The following PDE4D variants were observed in gnomAD, a reference collection of about 807,000 sequenced individuals.
The protein encoded by PDE4D is phosphodiesterase 4D, also known as 3',5'-cyclic-AMP phosphodiesterase 4D.
In PDE4D, 24 loss-of-function variants were observed where a neutral mutation model predicts 87.4. That is an observed-to-expected ratio of 0.27 (90% CI 0.20 to 0.39). The LOEUF (loss-of-function observed/expected upper bound fraction) is 0.39, where lower values mean the gene tolerates loss of function less well. PDE4D is among the 10% of genes least tolerant of loss of function. The probability of loss-of-function intolerance (pLI) is 1.00; values close to 1 mark genes in which losing one functional copy is unlikely to be tolerated. For synonymous variants in PDE4D, 384 were observed against 383.2 expected, an observed-to-expected ratio of 1.00 and a Z score of -0.02; for missense variants, 714 against 1,041.0, an observed-to-expected ratio of 0.69 and a Z score of 4.32.
intron 1 of PDE4D, among the ~76,000 whole-genome samples, chr5:59,428,991 T>A (rs955162837): frequency 1.3e-5 from 2 of 152,196 alleles, no homozygotes; most frequent in African/African-American, 4.8e-5. Flanking sequence ...TACACTGTGA[T>A]GCCCAATTTT....
intron 5 of PDE4D, among the ~76,000 whole-genome samples, chr5:59,176,511 C>T (rs62357972): frequency 0.053 from 7,932 of 151,056 alleles, 261 homozygotes; most frequent in South Asian, 0.069. Context: ...CCTCAGATCG[C>T]GCCACTGCAC....
chr5:60,464,821 G>T (rs929852434), intron 1 of PDE4D, among the ~76,000 whole-genome samples: 2 of 152,180 alleles, frequency 1.3e-5, no homozygotes, highest in East Asian at 3.8e-4. Flanking sequence ...GCAAGGCCAG[G>T]CCAGGCATGG....
At chr5:60,194,252 C>T (rs1384964784) in intron 1 of PDE4D, among the ~76,000 whole-genome samples, 1 of 151,590 alleles carries the variant, frequency 6.6e-6, no homozygotes, top group Non-Finnish European at 1.5e-5. Flanking sequence ...CTCTAAAGAT[C>T]CTAGACCTCC....
intron 2 of PDE4D, among the ~76,000 whole-genome samples, chr5:60,023,686 G>A (rs1394267454): frequency 6.6e-6 from 1 of 152,074 alleles, no homozygotes; most frequent in African/African-American, 2.4e-5. Flanking sequence ...CACACTAGTT[G>A]CATTATAAGG....
rs1341089596 is a variant in PDE4D at position 59,980,532 on chromosome 5, GTTT to G, written c.272+7953_272+7955del. Among the ~76,000 whole-genome samples the G allele has an allele frequency of 2.0e-5, 3 of 152,176 alleles. No homozygotes were observed. The East Asian group carries it at 5.8e-4, about 29-fold the overall frequency. On this transcript the variant is annotated intron_variant, in intron 3 of 16. Transcript: ENST00000502484. Reference sequence around the variant, plus strand: ...CGCAGAAGTTGTCACCCTCTTTAGTGTTTTTAACAACGTGGGAGCCTGGTGAAA... The same window carrying G: ...CGCAGAAGTTGTCACCCTCTTTAGTGTTAACAACGTGGGAGCCTGGTGAAA...
intron 2 of PDE4D, among the ~76,000 whole-genome samples, chr5:60,027,844 A>T (rs1398145848): frequency 6.6e-6 from 1 of 152,256 alleles, no homozygotes; most frequent in Non-Finnish European, 1.5e-5. Flanking sequence ...AGCAAAACAC[A>T]TGATACTAAA....
chr5:60,513,041 G>T (rs531865465), intron 1 of PDE4D, among the ~76,000 whole-genome samples: 3 of 151,990 alleles, frequency 2.0e-5, no homozygotes, highest in African/African-American at 7.2e-5. Context: ...AAGTAAAAAA[G>T]ATTTTAAAAA....
chr5:59,038,343 C>T (rs1042290491), intron 6 of PDE4D, among the ~76,000 whole-genome samples: 1 of 152,178 alleles, frequency 6.6e-6, no homozygotes, highest in African/African-American at 2.4e-5. Flanking sequence ...AACCTTCTAA[C>T]TCTGTTAATG....
intron 1 of PDE4D, among the ~76,000 whole-genome samples, chr5:59,407,537 T>C (rs578120813): frequency 1.3e-5 from 2 of 151,618 alleles, no homozygotes; most frequent in Non-Finnish European, 2.9e-5. Context: ...GAGACAGAGG[T>C]TGGAAGAATT....
chr5:60,065,067 T>C (rs1005602698), intron 2 of PDE4D, among the ~76,000 whole-genome samples: 1 of 152,140 alleles, frequency 6.6e-6, no homozygotes, highest in African/African-American at 2.4e-5. Context: ...AATACACACA[T>C]TGCATTGCTA....
intron 1 of PDE4D, among the ~76,000 whole-genome samples, chr5:59,499,204 T>C (rs1807801159): frequency 6.6e-6 from 1 of 151,986 alleles, no homozygotes; most frequent in Admixed American, 6.6e-5. Flanking sequence ...GAAGTCAAAC[T>C]GTTATTTGAA....
rs1780992651 is a variant in PDE4D at position 59,160,927 on chromosome 5, C to CTCTACT, written c.808+19662_808+19667dup. On this transcript the variant is annotated intron_variant, in intron 5 of 14. Coordinates refer to ENST00000340635, the MANE Select transcript of PDE4D (RefSeq NM_001104631.2). ...CCTGACCAACATGGTGAAACCCTGT[C>CTCTACT]TCTACTAAAAATGCAAAAATTAGCC... 3.3e-5 allele frequency among the ~76,000 whole-genome samples: 5 copies of CTCTACT among 152,064 alleles called. No homozygotes were observed. In the South Asian group the frequency reaches 8.3e-4, roughly 25 times the overall value.
intron 1 of PDE4D, among the ~76,000 whole-genome samples, chr5:59,289,517 C>T (rs1579849): frequency 0.23 from 34,856 of 151,548 alleles, 4,305 homozygotes; most frequent in Admixed American, 0.34. Context: ...CTCAAAAAAT[C>T]GGGTATAAAA....
chr5:59,884,703 T>C (rs2152748597), intron 1 of PDE4D, among the ~76,000 whole-genome samples: 1 of 152,154 alleles, frequency 6.6e-6, no homozygotes, highest in East Asian at 1.9e-4. Context: ...TATTGATATA[T>C]ATTATTTGAT....
At chr5:59,308,674 G>A (rs1043460259) in intron 1 of PDE4D, among the ~76,000 whole-genome samples, 4 of 151,812 alleles carry the variant, frequency 2.6e-5, no homozygotes, top group South Asian at 2.1e-4. Flanking sequence ...GTTGGGGGGC[G>A]CAATGGGCTC....
chr5:59,164,801 A>C (rs1408410751), intron 5 of PDE4D: 1 of 152,190 alleles, frequency 6.6e-6, no homozygotes, highest in Non-Finnish European at 1.5e-5. Flanking sequence ...GATTGCACCC[A>C]GGCGAAGTGA....
At chr5:59,218,586 G>A (rs1054990030) in intron 1 of PDE4D, among the ~76,000 whole-genome samples, 6 of 151,834 alleles carry the variant, frequency 4.0e-5, no homozygotes, top group African/African-American at 1.5e-4. Context: ...ATTTTTCTTT[G>A]TATACTGTAA....
In PDE4D at chr5:59,981,513, C is replaced by T. The variant is rs144644337; in HGVS notation, c.272+6975G>A. Among the ~76,000 whole-genome samples, 590 of 152,194 alleles carry T rather than the reference C, an allele frequency of 3.9e-3. 6 individuals are homozygous for T. The highest frequency in any genetic ancestry group is 0.013 in the African/African-American group (552 of 41,526). On this transcript the variant is annotated intron_variant, in intron 3 of 16. Coordinates refer to the PDE4D transcript ENST00000502484. ...GTTTCCCAATTTTTGGCATTGATTA[C>T]TTTTAAAATTTCATCTAGCTCAAGA... is the stretch of plus-strand genomic sequence containing the variant.
chr5:59,035,649 T>C (rs969860436), intron 6 of PDE4D, among the ~76,000 whole-genome samples: 4 of 152,250 alleles, frequency 2.6e-5, no homozygotes, highest in African/African-American at 9.6e-5. Flanking sequence ...ATAGTTATTA[T>C]GGTGCCCATT....
Sources: allele counts gnomAD v4.1 joint callset (sites outside exome capture counted in the v4.1 genomes callset), GRCh38; gene constraint gnomAD v4.1.1; transcripts MANE v1.5; gene names NCBI Gene and HGNC (gene_info 2026-07-23, HGNC 2026-07-21).